Variants in SLC25A26 observed in about 807,000 individuals in gnomAD.
SLC25A26 encodes the protein mitochondrial S-adenosylmethionine carrier protein.
In SLC25A26, 36 loss-of-function variants were observed where a neutral mutation model predicts 37.8. That is an observed-to-expected ratio of 0.95 (90% CI 0.73 to 1.26). The LOEUF (loss-of-function observed/expected upper bound fraction) is 1.26. SLC25A26 is among the 50% of genes most tolerant of loss of function. The probability of loss-of-function intolerance (pLI) is 0.00; values close to 1 mark genes in which losing one functional copy is unlikely to be tolerated. For missense variants in SLC25A26, 390 were observed against 331.1 expected, an observed-to-expected ratio of 1.18 and a Z score of -1.38; for synonymous variants, 129 against 122.5, an observed-to-expected ratio of 1.05 and a Z score of -0.35.
At chr3:66,338,499 G>A (rs900325221) in intron 5 of SLC25A26, among the ~76,000 whole-genome samples, 2 of 151,654 alleles carry the variant, frequency 1.3e-5, no homozygotes, top group South Asian at 4.2e-4. Context: ...ACCTCATTGC[G>A]GCTTCTAAAA....
At chr3:66,199,632 C>A (rs2071085073) in intron 1 of SLC25A26, among the ~76,000 whole-genome samples, 1 of 152,036 alleles carries the variant, frequency 6.6e-6, no homozygotes, top group African/African-American at 2.4e-5. Flanking sequence ...GAATCTGTAC[C>A]TGACCCTTCT....
intron 5 of SLC25A26, among the ~76,000 whole-genome samples, chr3:66,281,996 ATTTTTTTTTTT>A (rs71105977): frequency 9.3e-5 from 6 of 64,506 alleles, no homozygotes; most frequent in Non-Finnish European, 1.1e-4. Flanking sequence ...CTGATTTTGC[ATTTTTTTTTTT>A]TTTTTTTTTT....
At position 66,263,326 on chromosome 3, in the gene SLC25A26, T is replaced by G. The variant is rs757187832; in HGVS notation, c.406-6T>G. The G allele has an allele frequency of 6.2e-7, 1 of 1,611,048 alleles. No individual in the cohort carries two copies. Among genetic ancestry groups the G allele is most frequent in the Non-Finnish European group, 8.5e-7 (1 of 1,177,988 alleles). ...TTCTGAACTCTCGGCTGTGTGTTTGTTTCAGGGTATCCAAGGGTTGTATCG... is the reference window on the plus strand; with the variant it reads ...TTCTGAACTCTCGGCTGTGTGTTTGGTTCAGGGTATCCAAGGGTTGTATCG... On this transcript the variant is annotated splice_polypyrimidine_tract_variant and splice_region_variant and intron_variant, in intron 4 of 9. Coordinates refer to ENST00000354883, the MANE Select transcript of SLC25A26 (RefSeq NM_001379210.1).
chr3:66,157,451 G>T (rs936339167), intron 1 of SLC25A26, among the ~76,000 whole-genome samples: 1 of 152,180 alleles, frequency 6.6e-6, no homozygotes, highest in African/African-American at 2.4e-5. Flanking sequence ...GCAAAGCTTT[G>T]TATGCATTAA....
At chr3:66,299,396 G>T (rs182918058) in intron 5 of SLC25A26, among the ~76,000 whole-genome samples, 26 of 152,182 alleles carry the variant, frequency 1.7e-4, no homozygotes, top group Admixed American at 1.4e-3. Context: ...TGCTGTGTTG[G>T]CCAGGCTGGT....
At chr3:66,165,023 A>G (rs1236336419) in intron 1 of SLC25A26, among the ~76,000 whole-genome samples, 1 of 152,206 alleles carries the variant, frequency 6.6e-6, no homozygotes, top group African/African-American at 2.4e-5. Context: ...TTGGACTAAT[A>G]GAAGTGACAG....
At chr3:66,244,876 C>T (rs1354873497) in intron 3 of SLC25A26, among the ~76,000 whole-genome samples, 1 of 151,898 alleles carries the variant, frequency 6.6e-6, no homozygotes, top group Non-Finnish European at 1.5e-5. Flanking sequence ...ACTTGGGAGG[C>T]TGAGGCAGGA....
intron 5 of SLC25A26, among the ~76,000 whole-genome samples, chr3:66,266,834 T>A (rs1259958789): frequency 6.6e-6 from 1 of 152,160 alleles, no homozygotes; most frequent in Non-Finnish European, 1.5e-5. Flanking sequence ...TGCTTTCATA[T>A]CCAGGATGAT....
At chr3:66,301,772 C>T (rs969300000) in intron 5 of SLC25A26, among the ~76,000 whole-genome samples, 3 of 152,164 alleles carry the variant, frequency 2.0e-5, no homozygotes, top group South Asian at 4.1e-4. Context: ...CCTACAGATA[C>T]AAGCATTAGA....
intron 5 of SLC25A26, among the ~76,000 whole-genome samples, chr3:66,297,358 G>C (rs910070303): frequency 2.0e-5 from 3 of 150,322 alleles, no homozygotes; most frequent in Non-Finnish European, 4.4e-5. Flanking sequence ...AGAATGTCTG[G>C]CATTAATTCT....
chr3:66,143,359 C>A (rs2070065027), intron 1 of SLC25A26, among the ~76,000 whole-genome samples: 2 of 152,256 alleles, frequency 1.3e-5, no homozygotes, highest in Middle Eastern at 3.4e-3. Context: ...TACCTATGAG[C>A]AAAATTGCTG....
chr3:66,331,019 T>C (rs1185367893), intron 5 of SLC25A26, among the ~76,000 whole-genome samples: 1 of 151,986 alleles, frequency 6.6e-6, no homozygotes, highest in Non-Finnish European at 1.5e-5. Context: ...AATTTAGATA[T>C]TATTTACATA....
intron 5 of SLC25A26, among the ~76,000 whole-genome samples, chr3:66,326,280 GAA>G (rs2075835683): frequency 6.6e-6 from 1 of 152,120 alleles, no homozygotes; most frequent in Non-Finnish European, 1.5e-5. Context: ...CCTAGCACAG[GAA>G]AAAGAGGCCA....
At chr3:66,263,441 T>G in intron 5 of SLC25A26, 62 bp downstream of exon 5, 2 of 995,748 alleles carry the variant, frequency 2.0e-6, no homozygotes, top group Non-Finnish European at 3.1e-6. Context: ...TCAGTAAATT[T>G]ATACTACTTA....
intron 1 of SLC25A26, chr3:66,134,020 A>G (rs2069909407): frequency 6.6e-6 from 1 of 152,312 alleles, no homozygotes; most frequent in Non-Finnish European, 1.5e-5. Flanking sequence ...ACTCAGCGCC[A>G]CCCACAATTG....
chr3:66,170,329 T>C (rs987886712), intron 1 of SLC25A26, among the ~76,000 whole-genome samples: 1 of 152,228 alleles, frequency 6.6e-6, no homozygotes, highest in African/African-American at 2.4e-5. Flanking sequence ...ATGTCAATCC[T>C]GTAGATGCCT....
intron 5 of SLC25A26, among the ~76,000 whole-genome samples, chr3:66,292,225 C>T (rs2074737168): frequency 6.6e-6 from 1 of 152,156 alleles, no homozygotes; most frequent in African/African-American, 2.4e-5. Flanking sequence ...CTGAATACAG[C>T]ACACTGATGG....
chr3:66,223,481 A>T (rs2071593943), intron 1 of SLC25A26, among the ~76,000 whole-genome samples: 1 of 152,186 alleles, frequency 6.6e-6, no homozygotes, highest in African/African-American at 2.4e-5. Context: ...GAAATGTTTT[A>T]TTATCAGAGT....
chr3:66,207,752 A>G (rs2071199533), intron 1 of SLC25A26, among the ~76,000 whole-genome samples: 1 of 152,248 alleles, frequency 6.6e-6, no homozygotes, highest in Non-Finnish European at 1.5e-5. Flanking sequence ...GTATTTCTCA[A>G]CTTTAAATCT....
Sources: gnomAD v4.1 joint callset for allele counts (sites outside exome capture counted in the v4.1 genomes callset) on GRCh38, gnomAD v4.1.1 for gene constraint, MANE v1.5 for transcripts, NCBI Gene and HGNC (gene_info 2026-07-23, HGNC 2026-07-21) for gene names.